KCNK3: variants seen among roughly 807,000 people sequenced by gnomAD.
KCNK3 encodes the protein potassium channel subfamily K member 3.
Under a neutral mutation model 27.3 loss-of-function variants are expected in KCNK3, and 9 were observed. The observed-to-expected ratio is 0.33, with a 90% confidence interval of 0.20 to 0.57. The LOEUF (loss-of-function observed/expected upper bound fraction) is 0.57. KCNK3 is among the 20% of genes least tolerant of loss of function. KCNK3 has a pLI of 0.87. For synonymous variants in KCNK3, 278 were observed against 273.8 expected (o/e 1.02, Z -0.15); for missense variants, 391 against 577.7 (o/e 0.68, Z 3.31).
rs1469203564 is a variant in KCNK3 at position 26,730,362 on chromosome 2, C to T, written c.*1794C>T. Reference sequence around the variant, plus strand: ...TGGGGGAGTTTGGACCAGAGGTGCCCTCTGCCCACCACACCTGCAACCCAG... The same window carrying T: ...TGGGGGAGTTTGGACCAGAGGTGCCTTCTGCCCACCACACCTGCAACCCAG... On this transcript the variant is annotated 3_prime_UTR_variant, in exon 2 of 2. Transcript: ENST00000302909. 1 of 152,256 alleles carries T rather than the reference C, an allele frequency of 6.6e-6. No homozygotes were observed. Among genetic ancestry groups the T allele is most frequent in the Non-Finnish European group, 1.5e-5 (1 of 68,080 alleles). 9.4% of individuals were successfully genotyped at this position (152,256 alleles called of 1,614,324 possible).
rs1223796699 is a variant in KCNK3 at position 26,728,667 on chromosome 2, G to A, written c.*99G>A. 169 of 1,019,444 alleles carry A rather than the reference G, an allele frequency of 1.7e-4. No individual in the cohort carries two copies. Among genetic ancestry groups the A allele is most frequent in the Non-Finnish European group, 2.1e-4 (161 of 753,842 alleles). The allele number at this position is 1,019,444 out of a possible 1,614,324, so 63.1% of individuals were successfully genotyped here. A position where few individuals can be genotyped will look rare whatever the true frequency, so the allele number is the denominator to read the frequency against. ...GCTGCCTTCTGCCCAGTGGGACCCC[G>A]CACAACATCCCTCACCACTCTCCCC... is the stretch of plus-strand genomic sequence containing the variant. On this transcript the variant is annotated 3_prime_UTR_variant, in exon 2 of 2. Transcript: ENST00000302909.
Position 26,728,265 on chromosome 2 carries a change from C to T in KCNK3, c.882C>T (p.Gly294=), listed in dbSNP as rs1558605101. The change falls in exon 2 of 2, where the codon GGC becomes GGT. Residue 294 remains glycine, a synonymous_variant. Transcript: ENST00000302909. ...CATCCACGGCGGCAGCGGGCGGCGG[C>T]GGCTTCCGCAACGTCTACGCGGAGG... The part of the protein sequence containing the change: ...TASSTAAAGG[G]GFRNVYAEVL... 4 of 1,587,054 alleles carry T rather than the reference C, an allele frequency of 2.5e-6. No individual in the cohort carries two copies. The highest frequency in any genetic ancestry group is 3.4e-6 in the Non-Finnish European group (4 of 1,166,940).
intron 1 of KCNK3, among the ~76,000 whole-genome samples, chr2:26,699,117 G>T (rs1476470955): frequency 6.6e-6 from 1 of 151,066 alleles, no homozygotes; most frequent in African/African-American, 2.4e-5. Context: ...GGCAGAGGTT[G>T]CAGTGAGCCA....
At chr2:26,707,437 G>A (rs545044266) in intron 1 of KCNK3, among the ~76,000 whole-genome samples, 1 of 152,238 alleles carries the variant, frequency 6.6e-6, no homozygotes. Context: ...CAGGCCCTGG[G>A]CTTGCTCCAA....
intron 1 of KCNK3, among the ~76,000 whole-genome samples, chr2:26,707,957 C>T (rs532008127): frequency 6.6e-5 from 10 of 152,172 alleles, no homozygotes; most frequent in African/African-American, 1.7e-4. Flanking sequence ...TCCACCCACT[C>T]GGCCTCTCTG....
chr2:26,697,157 T>TGGAGAGCA (rs1018159320), intron 1 of KCNK3, among the ~76,000 whole-genome samples: 3 of 152,020 alleles, frequency 2.0e-5, no homozygotes, highest in Non-Finnish European at 2.9e-5. Context: ...ATTGGACCTC[T>TGGAGAGCA]CTGACTCTCC....
rs916989978 is a variant in KCNK3, at chr2:26,730,412, G to A, written c.*1844G>A. 3 of 152,270 alleles carry A rather than the reference G, an allele frequency of 2.0e-5. No individual in the cohort carries two copies. 9.4% of individuals were successfully genotyped at this position (152,270 alleles called of 1,614,324 possible). A position where few individuals can be genotyped will look rare whatever the true frequency, so the allele number is the denominator to read the frequency against. The stretch of plus-strand genomic sequence containing the variant: ...GAAGCCCAGATGGAACGCAGCTGAC[G>A]AAGGTGATGCTTGAGGCTCACTTTT... On this transcript the variant is annotated 3_prime_UTR_variant, in exon 2 of 2. Coordinates refer to ENST00000302909, the MANE Select transcript of KCNK3 (RefSeq NM_002246.3).
chr2:26,717,068 GTATTTA>G (rs1443124225), intron 1 of KCNK3, among the ~76,000 whole-genome samples: 1 of 152,224 alleles, frequency 6.6e-6, no homozygotes, highest in East Asian at 1.9e-4. Flanking sequence ...AAAGCCTAAA[GTATTTA>G]CTATCTGGCC....
At chr2:26,698,028 A>G (rs1670256917) in intron 1 of KCNK3, among the ~76,000 whole-genome samples, 1 of 152,208 alleles carries the variant, frequency 6.6e-6, no homozygotes, top group African/African-American at 2.4e-5. Flanking sequence ...CCACACTCAC[A>G]CAGGGAGTTG....
chr2:26,725,454 C>T (rs1323203215), intron 1 of KCNK3, among the ~76,000 whole-genome samples: 1 of 152,204 alleles, frequency 6.6e-6, no homozygotes. Context: ...GGGGCTATGT[C>T]CATGCTCCCT....
chr2:26,717,216 C>T (rs937255445), intron 1 of KCNK3, among the ~76,000 whole-genome samples: 5 of 152,184 alleles, frequency 3.3e-5, no homozygotes, highest in African/African-American at 7.2e-5. Flanking sequence ...CCCGCCCTGC[C>T]CCCATAACAC....
chr2:26,718,663 T>C (rs573693277), intron 1 of KCNK3, among the ~76,000 whole-genome samples: 1 of 152,116 alleles, frequency 6.6e-6, no homozygotes, highest in East Asian at 1.9e-4. Flanking sequence ...GGCTGGAGTG[T>C]AGTGGTGCAA....
At chr2:26,720,895 C>A (rs2148267197) in intron 1 of KCNK3, among the ~76,000 whole-genome samples, 1 of 152,306 alleles carries the variant, frequency 6.6e-6, no homozygotes, top group East Asian at 1.9e-4. Context: ...CCTACCCCAG[C>A]TCCATGAGAC....
chr2:26,725,616 C>T (rs1237761149), intron 1 of KCNK3, among the ~76,000 whole-genome samples: 2 of 152,142 alleles, frequency 1.3e-5, no homozygotes, highest in African/African-American at 4.8e-5. Flanking sequence ...TGCCATGGCC[C>T]AGCTGGCGGG....
At chr2:26,712,226 C>T (rs1663131825) in intron 1 of KCNK3, among the ~76,000 whole-genome samples, 1 of 152,212 alleles carries the variant, frequency 6.6e-6, no homozygotes, top group Non-Finnish European at 1.5e-5. Context: ...GAGGTGGGTA[C>T]TGCCTCCCTG....
At chr2:26,706,289 C>A (rs1169897188) in intron 1 of KCNK3, among the ~76,000 whole-genome samples, 1 of 151,700 alleles carries the variant, frequency 6.6e-6, no homozygotes, top group Non-Finnish European at 1.5e-5. Context: ...AGGTCGTTTC[C>A]CCTCCCCCCC....
At chr2:26,696,953 C>A (rs951156865) in intron 1 of KCNK3, among the ~76,000 whole-genome samples, 13 of 152,168 alleles carry the variant, frequency 8.5e-5, no homozygotes, top group African/African-American at 2.4e-4. Context: ...ACAATGGCAA[C>A]CACCATTTAT....
intron 1 of KCNK3, among the ~76,000 whole-genome samples, chr2:26,702,538 T>C (rs555972895): frequency 6.6e-6 from 1 of 152,272 alleles, no homozygotes; most frequent in East Asian, 1.9e-4. Context: ...GTAAAGCTCA[T>C]AGAAAGACTT....
rs1444287465 is a variant in KCNK3 at position 26,733,135 on chromosome 2, A to G, written c.*4567A>G. 1 of 152,240 alleles carries G rather than the reference A, an allele frequency of 6.6e-6. No homozygotes were observed. The highest frequency in any genetic ancestry group is 1.5e-5 in the Non-Finnish European group (1 of 68,042). 9.4% of individuals were successfully genotyped at this position (152,240 alleles called of 1,614,324 possible). A position where few individuals can be genotyped will look rare whatever the true frequency, so the allele number is the denominator to read the frequency against. On this transcript the variant is annotated 3_prime_UTR_variant, in exon 2 of 2. Coordinates refer to ENST00000302909, the MANE Select transcript of KCNK3 (RefSeq NM_002246.3). ...AAGATATATGTACAGCAAAACAAAA[A>G]TAGAAAACCAGCACAGCAGAGTGGA...
Sources: gnomAD v4.1 joint callset for allele counts (sites outside exome capture counted in the v4.1 genomes callset) on GRCh38, gnomAD v4.1.1 for gene constraint, MANE v1.5 for transcripts, NCBI Gene and HGNC (gene_info 2026-07-23, HGNC 2026-07-21) for gene names.